The following DGKB variants were observed in gnomAD, a reference collection of about 807,000 sequenced individuals.
DGKB encodes the protein 90 kDa diacylglycerol kinase.
In DGKB, 67 loss-of-function variants were observed where a neutral mutation model predicts 114.3. The ratio of observed to expected loss-of-function variants is 0.59; its 90% CI spans 0.48 to 0.72. DGKB has a LOEUF of 0.72. DGKB is among the 30% of genes least tolerant of loss of function. The pLI is 0.00. For synonymous variants in DGKB, 398 were observed against 323.1 expected (o/e 1.23, Z -2.49); for missense variants, 907 against 975.2 (o/e 0.93, Z 0.93).
At chr7:14,557,783 A>G (rs925842831) in intron 20 of DGKB, among the ~76,000 whole-genome samples, 1 of 151,702 alleles carries the variant, frequency 6.6e-6, no homozygotes, top group African/African-American at 2.4e-5. Context: ...TTTTGGTGTT[A>G]CTTGGTTTAT....
At chr7:14,290,501 T>C (rs1408028637) in intron 23 of DGKB, among the ~76,000 whole-genome samples, 1 of 152,136 alleles carries the variant, frequency 6.6e-6, no homozygotes, top group Non-Finnish European at 1.5e-5. Flanking sequence ...CTCACGTCCA[T>C]CAAAGCTGAG....
At chr7:14,732,926 T>A (rs953947395) in intron 5 of DGKB, among the ~76,000 whole-genome samples, 1 of 152,188 alleles carries the variant, frequency 6.6e-6, no homozygotes, top group African/African-American at 2.4e-5. Flanking sequence ...GTGATACAGT[T>A]ATTTAGACAG....
At chr7:14,482,356 T>C (rs1003156051) in intron 20 of DGKB, among the ~76,000 whole-genome samples, 2 of 152,080 alleles carry the variant, frequency 1.3e-5, no homozygotes, top group African/African-American at 4.8e-5. Flanking sequence ...AGATGAAGTA[T>C]ATGAGGAAAT....
intron 20 of DGKB, among the ~76,000 whole-genome samples, chr7:14,504,177 C>CT (rs1250747646): frequency 6.6e-6 from 1 of 152,030 alleles, no homozygotes; most frequent in Non-Finnish European, 1.5e-5. Context: ...AATGATAAGC[C>CT]CTTTAAATTA....
chr7:14,772,142 A>G (rs1367608509), intron 2 of DGKB, among the ~76,000 whole-genome samples: 1 of 152,138 alleles, frequency 6.6e-6, no homozygotes, highest in Non-Finnish European at 1.5e-5. Context: ...CTAAAAATAT[A>G]TAAAACCAAG....
chr7:14,392,995 G>GTTTTTGTTTTTGTTTTTTTTTTTTT, intron 21 of DGKB, among the ~76,000 whole-genome samples: 5 of 60,542 alleles, frequency 8.3e-5, no homozygotes, highest in African/African-American at 2.4e-4. Context: ...TTTTGTTTTT[G>GTTTTTGTTTTTGTTTTTTTTTTTTT]TTTTTTTTTT....
intron 2 of DGKB, among the ~76,000 whole-genome samples, chr7:14,838,043 C>T (rs1847395625): frequency 6.6e-6 from 1 of 152,112 alleles, no homozygotes; most frequent in Non-Finnish European, 1.5e-5. Context: ...ACATTTCATA[C>T]TACCAATTTA....
chr7:14,865,862 G>A (rs576018288), intron 1 of DGKB, among the ~76,000 whole-genome samples: 1 of 152,242 alleles, frequency 6.6e-6, no homozygotes, highest in South Asian at 2.1e-4. Flanking sequence ...GACTTTGTAT[G>A]GCTCAGAATA....
intron 2 of DGKB, among the ~76,000 whole-genome samples, chr7:14,790,637 A>G (rs1462081722): frequency 6.6e-6 from 1 of 152,114 alleles, no homozygotes. Context: ...GGTTTATTTT[A>G]GGGTTCTCTC....
intron 2 of DGKB, among the ~76,000 whole-genome samples, chr7:14,799,505 T>C (rs917231342): frequency 2.0e-5 from 3 of 152,180 alleles, no homozygotes; most frequent in African/African-American, 7.2e-5. Context: ...CTGACTAAAA[T>C]TCAAGATCAT....
intron 23 of DGKB, among the ~76,000 whole-genome samples, chr7:14,315,224 C>A (rs1209910975): frequency 2.0e-5 from 3 of 148,624 alleles, no homozygotes; most frequent in Admixed American, 6.8e-5. Flanking sequence ...ACTGCATCAA[C>A]TAACGAGCAA....
At chr7:14,970,096 C>G (rs536064686) in intron 1 of DGKB, among the ~76,000 whole-genome samples, 2 of 152,212 alleles carry the variant, frequency 1.3e-5, no homozygotes, top group African/African-American at 4.8e-5. Flanking sequence ...AGTGTAGTAA[C>G]ATGGGTTGGG....
At chr7:14,749,077 C>T (rs1218905536) in intron 4 of DGKB, among the ~76,000 whole-genome samples, 1 of 152,034 alleles carries the variant, frequency 6.6e-6, no homozygotes, top group Non-Finnish European at 1.5e-5. Flanking sequence ...ATATCAAACT[C>T]AAAAATTGAT....
intron 6 of DGKB, among the ~76,000 whole-genome samples, chr7:14,711,203 T>C (rs912899347): frequency 2.6e-5 from 4 of 152,108 alleles, no homozygotes; most frequent in Non-Finnish European, 5.9e-5. Context: ...CAAGAGTTAA[T>C]GCTCTATAAA....
intron 14 of DGKB, among the ~76,000 whole-genome samples, chr7:14,623,344 T>G (rs896151819): frequency 2.0e-5 from 3 of 152,158 alleles, no homozygotes; most frequent in African/African-American, 7.2e-5. Flanking sequence ...TTTCTATAAT[T>G]TAGAAAGATC....
At chr7:14,718,842 A>G in intron 5 of DGKB, 157 bp from the exon 6 acceptor site, 1 of 586,260 alleles carries the variant, frequency 1.7e-6, no homozygotes, top group Non-Finnish European at 3.0e-6. Context: ...CAGCAGCTAG[A>G]CATAGCCTAC....
intron 21 of DGKB, among the ~76,000 whole-genome samples, chr7:14,444,300 G>C (rs1275835997): frequency 6.6e-6 from 1 of 151,428 alleles, no homozygotes; most frequent in Non-Finnish European, 1.5e-5. Flanking sequence ...TTATTCAGTT[G>C]GTACCTACAT....
chr7:14,328,272 C>T (rs957435308), intron 23 of DGKB, among the ~76,000 whole-genome samples: 2 of 151,934 alleles, frequency 1.3e-5, no homozygotes, highest in Non-Finnish European at 1.5e-5. Flanking sequence ...TTTATATATT[C>T]GGTAAAATAA....
chr7:14,646,359 C>A (rs956736407), intron 13 of DGKB, among the ~76,000 whole-genome samples: 24 of 152,080 alleles, frequency 1.6e-4, no homozygotes, highest in Admixed American at 1.6e-3. Context: ...TATATATACA[C>A]ACTCAACATT....
Sources: gnomAD v4.1 joint callset for allele counts (sites outside exome capture counted in the v4.1 genomes callset) on GRCh38, gnomAD v4.1.1 for gene constraint, MANE v1.5 for transcripts, NCBI Gene and HGNC (gene_info 2026-07-23, HGNC 2026-07-21) for gene names.